Variants in RAP1GAP2 observed in about 807,000 individuals in gnomAD.
RAP1GAP2 encodes rap1 GTPase-activating protein 2.
Under a neutral mutation model 95.0 loss-of-function variants are expected in RAP1GAP2, and 27 were observed. That is an observed-to-expected ratio of 0.28 (90% CI 0.21 to 0.39). RAP1GAP2 has a LOEUF of 0.39. Ranked by LOEUF, RAP1GAP2 falls within the 10% of genes least tolerant of loss-of-function variation. The pLI, the probability that RAP1GAP2 is intolerant of heterozygous loss-of-function variation, is 1.00. For synonymous variants in RAP1GAP2, 373 were observed against 380.9 expected (o/e 0.98, Z 0.24); for missense variants, 771 against 970.0 (o/e 0.79, Z 2.72).
At chr17:2,859,633 G>A (rs1430120556) in intron 2 of RAP1GAP2, among the ~76,000 whole-genome samples, 3 of 149,356 alleles carry the variant, frequency 2.0e-5, no homozygotes, top group South Asian at 2.1e-4. Flanking sequence ...ATGGGGTTTC[G>A]TCATGTTGCC....
At chr17:2,889,863 GTATATATATATA>G (rs748546441) in intron 2 of RAP1GAP2, among the ~76,000 whole-genome samples, 26 of 79,862 alleles carry the variant, frequency 3.3e-4, no homozygotes, top group South Asian at 5.8e-4. Flanking sequence ...TTATGTGTGT[GTATATATATATA>G]TATATATATA....
chr17:2,979,460 G>GTTT (rs71153320), intron 8 of RAP1GAP2, among the ~76,000 whole-genome samples: 86 of 78,586 alleles, frequency 1.1e-3, no homozygotes, highest in South Asian at 1.5e-3. Context: ...GGCGTGTTCT[G>GTTT]TTTTTTTTTT....
At chr17:2,847,624 G>A (rs2071644991) in intron 2 of RAP1GAP2, among the ~76,000 whole-genome samples, 1 of 152,210 alleles carries the variant, frequency 6.6e-6, no homozygotes, top group Admixed American at 6.5e-5. Context: ...GCTAAGCAAT[G>A]TTGCTAATAT....
intron 2 of RAP1GAP2, among the ~76,000 whole-genome samples, chr17:2,832,973 C>T (rs1419093522): frequency 6.6e-6 from 1 of 151,760 alleles, no homozygotes; most frequent in African/African-American, 2.4e-5. Flanking sequence ...GCAAGACTGT[C>T]TCAAAAAAAC....
chr17:2,875,215 C>T (rs2073041449), intron 2 of RAP1GAP2, among the ~76,000 whole-genome samples: 1 of 152,102 alleles, frequency 6.6e-6, no homozygotes, highest in Non-Finnish European at 1.5e-5. Context: ...TACAGGCGTG[C>T]ACCACCACGC....
intron 1 of RAP1GAP2, among the ~76,000 whole-genome samples, chr17:2,790,312 A>G (rs2068892408): frequency 6.6e-6 from 1 of 152,062 alleles, no homozygotes; most frequent in Non-Finnish European, 1.5e-5. Flanking sequence ...GGGTTTCTCC[A>G]TGTTGGTCAG....
Position 3,005,448 on chromosome 17 carries a change from ACT to A in RAP1GAP2, c.1272+11_1272+12del, listed in dbSNP as rs749632590. The A allele has an allele frequency of 4.4e-5, 71 of 1,608,656 alleles. No individual in the cohort carries two copies. The highest frequency in any genetic ancestry group is 3.8e-4 in the East Asian group (17 of 44,808). On this transcript the variant is annotated intron_variant, in intron 15 of 24. Coordinates refer to ENST00000254695, the MANE Select transcript of RAP1GAP2 (RefSeq NM_015085.5). This position sits in a 1 kb window ranked among gnomAD's most constrained non-coding sequence, Gnocchi z 5.2. Reference sequence around the variant, plus strand: ...CCCCCCGTTTTCCAGAAGGTAGGACACTCTTCCTTCTGCCCCTCTCGCATCCA... The same window carrying A: ...CCCCCCGTTTTCCAGAAGGTAGGACACTTCCTTCTGCCCCTCTCGCATCCA...
intron 2 of RAP1GAP2, among the ~76,000 whole-genome samples, chr17:2,895,289 G>A (rs1268633343): frequency 2.0e-5 from 3 of 152,048 alleles, no homozygotes; most frequent in African/African-American, 7.2e-5. Flanking sequence ...GGGAAGCCGT[G>A]GGCCATGGGA....
intron 2 of RAP1GAP2, among the ~76,000 whole-genome samples, chr17:2,900,779 C>T (rs1407492161): frequency 6.6e-6 from 1 of 152,150 alleles, no homozygotes; most frequent in Non-Finnish European, 1.5e-5. Context: ...CTTTATTACC[C>T]CTATCTTTGC....
upstream of RAP1GAP2, chr17:2,796,395 C>G: frequency 2.1e-6 from 2 of 967,440 alleles, no homozygotes; most frequent in Non-Finnish European, 3.2e-6. This position sits in a 1 kb window ranked among gnomAD's most constrained non-coding sequence, Gnocchi z 4.7. Context: ...TGGGGGCAGG[C>G]GAAGAGGGAG....
At chr17:2,783,378 CCTGT>C (rs534489147) in intron 1 of RAP1GAP2, among the ~76,000 whole-genome samples, 9 of 152,310 alleles carry the variant, frequency 5.9e-5, no homozygotes, top group African/African-American at 1.9e-4. Flanking sequence ...AGAGCAGGGA[CCTGT>C]CTGTCTTGCT....
At chr17:2,813,919 C>T (rs2069884327) in intron 2 of RAP1GAP2, among the ~76,000 whole-genome samples, 1 of 151,916 alleles carries the variant, frequency 6.6e-6, no homozygotes, top group Admixed American at 6.6e-5. Context: ...GCCGAGATCG[C>T]ACCATTGCAC....
rs2047411097 is a variant in RAP1GAP2, at chr17:3,034,352, T to C, written c.*991T>C. ...CCCAGGTCTCTGCTGACAATGGGGG[T>C]TCAAGGAAGACGTCGTTATCTCCCC... On this transcript the variant is annotated 3_prime_UTR_variant, in exon 25 of 25. Transcript: ENST00000254695. This position sits in a 1 kb window ranked among gnomAD's most constrained non-coding sequence, Gnocchi z 5.1. 2 of 233,116 alleles carry C rather than the reference T, an allele frequency of 8.6e-6. No homozygotes were observed. Among genetic ancestry groups the C allele is most frequent in the South Asian group, 7.7e-5 (2 of 26,028 alleles). The allele number at this position is 233,116 out of a possible 1,614,324, so 14.4% of individuals were successfully genotyped here. A position where few individuals can be genotyped will look rare whatever the true frequency, so the allele number is the denominator to read the frequency against.
At chr17:2,901,645 C>T (rs1210620423) in intron 2 of RAP1GAP2, among the ~76,000 whole-genome samples, 1 of 152,186 alleles carries the variant, frequency 6.6e-6, no homozygotes, top group African/African-American at 2.4e-5. Context: ...GATATAATCA[C>T]ATCACTTTCA....
Position 2,779,798 on chromosome 17 carries a change from T to TG in RAP1GAP2, c.-14+2529dup, listed in dbSNP as rs35665851. 6.1e-3 allele frequency among the ~76,000 whole-genome samples: 558 copies of TG among 92,108 alleles called. 2 individuals are homozygous for TG. The highest frequency in any genetic ancestry group is 0.015 in the Middle Eastern group (3 of 206). The allele number at this position is 92,108 out of a possible 152,430, so 60.4% of individuals were successfully genotyped here. The stretch of plus-strand genomic sequence containing the variant: ...AGTGGGGGAGGACAAGGCAGGGGGC[T>TG]GGGGGGGGGCAGGAAAGGAAGGTGA... On this transcript the variant is annotated intron_variant, in intron 1 of 24. Transcript: ENST00000540393.
At chr17:2,776,617 C>T (rs1035029373), upstream of RAP1GAP2, among the ~76,000 whole-genome samples, 2 of 151,796 alleles carry the variant, frequency 1.3e-5, no homozygotes, top group Non-Finnish European at 2.9e-5. Context: ...GGGCGCGCCC[C>T]GGGTGGCGGA....
chr17:2,776,595 G>A (rs2068504572), upstream of RAP1GAP2, among the ~76,000 whole-genome samples: 1 of 151,928 alleles, frequency 6.6e-6, no homozygotes, highest in Non-Finnish European at 1.5e-5. Context: ...GCAGGCAGCG[G>A]CACAGGGACC....
chr17:2,971,945 A>G (rs957407642), intron 8 of RAP1GAP2, among the ~76,000 whole-genome samples: 1 of 152,258 alleles, frequency 6.6e-6, no homozygotes, highest in Admixed American at 6.5e-5. Flanking sequence ...ATGAGAAGAG[A>G]AAATAAGAAT....
intron 2 of RAP1GAP2, among the ~76,000 whole-genome samples, chr17:2,862,670 G>C (rs2072450115): frequency 6.6e-6 from 1 of 152,072 alleles, no homozygotes; most frequent in African/African-American, 2.4e-5. Context: ...AGTGATACTG[G>C]TTTTCCATGT....
Sources: gnomAD v4.1 joint callset for allele counts (sites outside exome capture counted in the v4.1 genomes callset) on GRCh38, gnomAD v4.1.1 for gene constraint, Gnocchi (gnomAD v3.1) non-coding constraint, MANE v1.5 for transcripts, NCBI Gene and HGNC (gene_info 2026-07-23, HGNC 2026-07-21) for gene names.